The following CERS6 variants were observed in gnomAD, a reference collection of about 807,000 sequenced individuals.
CERS6 encodes the protein ceramide synthase 6, also known as LAG1 homolog, ceramide synthase 6.
A neutral mutation model predicts 56.8 loss-of-function variants in CERS6; 26 were observed. The ratio of observed to expected loss-of-function variants is 0.46; its 90% CI spans 0.34 to 0.63. CERS6 has a LOEUF of 0.63. Ranked by LOEUF, CERS6 falls within the 30% of genes least tolerant of loss-of-function variation. CERS6 has a pLI of 0.01. For missense variants in CERS6, 415 were observed against 467.5 expected, an observed-to-expected ratio of 0.89 and a Z score of 1.04; for synonymous variants, 164 against 173.3, an observed-to-expected ratio of 0.95 and a Z score of 0.42.
At chr2:168,598,612 T>A (rs562159995) in intron 3 of CERS6, among the ~76,000 whole-genome samples, 1 of 152,144 alleles carries the variant, frequency 6.6e-6, no homozygotes, top group East Asian at 1.9e-4. Context: ...TGCCATCATA[T>A]CTAATAAAAC....
At chr2:168,664,805 T>C (rs919683883) in intron 4 of CERS6, among the ~76,000 whole-genome samples, 33 of 152,222 alleles carry the variant, frequency 2.2e-4, no homozygotes, top group African/African-American at 8.0e-4. Flanking sequence ...TATTTTGTGC[T>C]GACCTCCTAT....
chr2:168,599,474 A>G (rs1380979092), intron 3 of CERS6, among the ~76,000 whole-genome samples: 1 of 152,224 alleles, frequency 6.6e-6, no homozygotes, highest in Non-Finnish European at 1.5e-5. Flanking sequence ...AACAAAGGAA[A>G]TATCAACTCA....
chr2:168,756,156 G>C (rs1684411755), intron 8 of CERS6, among the ~76,000 whole-genome samples: 2 of 152,150 alleles, frequency 1.3e-5, no homozygotes, highest in African/African-American at 2.4e-5. Flanking sequence ...CTGCCATCCT[G>C]CCTCTATGAG....
intron 4 of CERS6, among the ~76,000 whole-genome samples, chr2:168,684,043 T>C (rs1686284918): frequency 6.6e-6 from 1 of 152,194 alleles, no homozygotes; most frequent in Non-Finnish European, 1.5e-5. Context: ...TACCTATATA[T>C]ACTTCACAGA....
At chr2:168,648,462 C>G (rs1325070200) in intron 4 of CERS6, among the ~76,000 whole-genome samples, 1 of 151,918 alleles carries the variant, frequency 6.6e-6, no homozygotes, top group African/African-American at 2.4e-5. Flanking sequence ...TGAATTTTTT[C>G]CAAAGAACCA....
chr2:168,503,611 G>T lies in CERS6; in HGVS notation c.171-43985G>T, dbSNP rs184682851. Among the ~76,000 whole-genome samples, 368 of 152,284 alleles carry T rather than the reference G, an allele frequency of 2.4e-3. 7 individuals are homozygous for T. Among genetic ancestry groups the T allele is most frequent in the Admixed American group, 0.021 (316 of 15,288 alleles). The stretch of plus-strand genomic sequence containing the variant: ...CAGGTGGCAGTTCTTGAGCTATGGA[G>T]TCTGCTTGTTGACTGTAATACCCAC... On this transcript the variant is annotated intron_variant, in intron 1 of 9. Transcript: ENST00000305747.
intron 1 of CERS6, among the ~76,000 whole-genome samples, chr2:168,541,917 T>A (rs1040371399): frequency 6.6e-6 from 1 of 152,220 alleles, no homozygotes; most frequent in Non-Finnish European, 1.5e-5. Flanking sequence ...TTTTCCCTGG[T>A]TCCTGCAGCT....
At chr2:168,461,443 G>C (rs1693778570) in intron 1 of CERS6, among the ~76,000 whole-genome samples, 1 of 134,238 alleles carries the variant, frequency 7.4e-6, no homozygotes, top group Non-Finnish European at 1.5e-5. Flanking sequence ...CTGGGCAACA[G>C]AGTGAGACCC....
intron 1 of CERS6, among the ~76,000 whole-genome samples, chr2:168,517,551 A>G (rs1286917197): frequency 2.0e-5 from 3 of 151,654 alleles, no homozygotes; most frequent in South Asian, 2.1e-4. Context: ...TTAAAAAAAA[A>G]GTAAAAACAA....
chr2:168,686,672 A>G (rs1686361804), intron 4 of CERS6, among the ~76,000 whole-genome samples: 1 of 151,954 alleles, frequency 6.6e-6, no homozygotes, highest in African/African-American at 2.4e-5. Context: ...TTCTTTCATT[A>G]CTCATTCTTC....
chr2:168,637,576 A>G (rs77547642), intron 4 of CERS6, among the ~76,000 whole-genome samples: 2,620 of 152,308 alleles, frequency 0.017, 103 homozygotes, highest in East Asian at 0.16. Context: ...GAGGTGATGG[A>G]TATTCACTAA....
In CERS6 at chr2:168,456,743, G is replaced by A. The variant is rs1233802357; in HGVS notation, c.170+125G>A. The stretch of plus-strand genomic sequence containing the variant: ...CGCGTTCACGCCTCCCAACCTTTGT[G>A]TTCGGGGAGGGGTTGCTGACCCCCC... On this transcript the variant is annotated intron_variant, in intron 1 of 9. Transcript: ENST00000305747. The surrounding 1 kb of genome is among the most constrained non-coding windows in gnomAD (Gnocchi z 4.1). The A allele has an allele frequency of 1.1e-6, 1 of 876,436 alleles. No homozygotes were observed. 54.3% of individuals were successfully genotyped at this position (876,436 alleles called of 1,614,324 possible).
At chr2:168,489,095 T>G (rs1694323777) in intron 1 of CERS6, among the ~76,000 whole-genome samples, 1 of 152,168 alleles carries the variant, frequency 6.6e-6, no homozygotes, top group Non-Finnish European at 1.5e-5. Flanking sequence ...CTGCTGAAAA[T>G]GAATACTTTT....
intron 1 of CERS6, among the ~76,000 whole-genome samples, chr2:168,520,049 A>G (rs933751478): frequency 2.6e-5 from 4 of 152,200 alleles, no homozygotes; most frequent in Non-Finnish European, 5.9e-5. Context: ...CCCCAGCTAT[A>G]GTGTATAAGC....
intron 8 of CERS6, among the ~76,000 whole-genome samples, chr2:168,730,079 T>C (rs1418536275): frequency 6.6e-6 from 1 of 152,196 alleles, no homozygotes; most frequent in African/African-American, 2.4e-5. Context: ...ATGTGCGTCT[T>C]TCCTTAAGAT....
intron 3 of CERS6, among the ~76,000 whole-genome samples, chr2:168,588,400 CACTT>C (rs1683593988): frequency 6.6e-6 from 1 of 151,622 alleles, no homozygotes; most frequent in African/African-American, 2.4e-5. Context: ...ACCCATTAAA[CACTT>C]AATTTCCCAT....
At chr2:168,594,402 T>C (rs1330338789) in intron 3 of CERS6, among the ~76,000 whole-genome samples, 2 of 152,024 alleles carry the variant, frequency 1.3e-5, no homozygotes, top group African/African-American at 2.4e-5. Flanking sequence ...CTGTGCAACA[T>C]AGGGAGACTC....
chr2:168,502,579 C>T (rs997163199), intron 1 of CERS6, among the ~76,000 whole-genome samples: 1 of 152,244 alleles, frequency 6.6e-6, no homozygotes, highest in South Asian at 2.1e-4. Flanking sequence ...GAAAGGCATC[C>T]AAGAGGGCCA....
intron 4 of CERS6, among the ~76,000 whole-genome samples, chr2:168,631,499 T>TA: frequency 1.5e-5 from 1 of 65,336 alleles, no homozygotes; most frequent in African/African-American, 5.1e-5. Context: ...AACTATATAT[T>TA]AATATAATAT....
Sources: gnomAD v4.1 joint callset for allele counts (sites outside exome capture counted in the v4.1 genomes callset) on GRCh38, gnomAD v4.1.1 for gene constraint, Gnocchi (gnomAD v3.1) non-coding constraint, MANE v1.5 for transcripts, NCBI Gene and HGNC (gene_info 2026-07-23, HGNC 2026-07-21) for gene names.